Variants in ADARB2 observed in about 807,000 individuals in gnomAD.
The protein encoded by ADARB2 is adenosine deaminase RNA specific B2 (inactive), also known as inactive double-stranded RNA-specific editase B2.
ADARB2 carries 25 observed loss-of-function variants against 62.2 expected under a neutral mutation model. That is an observed-to-expected ratio of 0.40 (90% CI 0.29 to 0.56). The LOEUF (loss-of-function observed/expected upper bound fraction) is 0.56. Ranked by LOEUF, ADARB2 falls within the 20% of genes least tolerant of loss-of-function variation. The pLI, the probability that ADARB2 is intolerant of heterozygous loss-of-function variation, is 0.43. For missense variants in ADARB2, 1,071 were observed against 1,077.4 expected, an observed-to-expected ratio of 0.99 and a Z score of 0.08; for synonymous variants, 572 against 500.8, an observed-to-expected ratio of 1.14 and a Z score of -1.90.
intron 3 of ADARB2, among the ~76,000 whole-genome samples, chr10:1,316,946 C>T (rs371404094): frequency 1.4e-4 from 22 of 152,326 alleles, no homozygotes; most frequent in African/African-American, 5.3e-4. Flanking sequence ...GTATGCAAAA[C>T]GCAGCCTGGA....
chr10:1,217,702 G>A (rs1049159892), intron 6 of ADARB2, among the ~76,000 whole-genome samples: 4 of 152,300 alleles, frequency 2.6e-5, no homozygotes, highest in East Asian at 1.9e-4. Context: ...ACTGTGACCC[G>A]GTTACTTCCT....
At chr10:1,646,709 G>T (rs11250700) in intron 1 of ADARB2, among the ~76,000 whole-genome samples, 71,041 of 152,098 alleles carry the variant, frequency 0.47, 16,799 homozygotes, top group South Asian at 0.53. Flanking sequence ...TTTTGCTATA[G>T]CTCAGACAAC....
chr10:1,584,362 T>C (rs1833146920), intron 1 of ADARB2, among the ~76,000 whole-genome samples: 2 of 152,142 alleles, frequency 1.3e-5, no homozygotes, highest in African/African-American at 4.8e-5. Flanking sequence ...CATATGTCAC[T>C]AGAGAACGCA....
intron 1 of ADARB2, among the ~76,000 whole-genome samples, chr10:1,405,953 G>A (rs1037485301): frequency 3.3e-5 from 5 of 150,604 alleles, no homozygotes; most frequent in Non-Finnish European, 7.4e-5. Flanking sequence ...AGATACACCT[G>A]TTTATTAAAC....
At chr10:1,351,109 C>T (rs1455568341) in intron 3 of ADARB2, among the ~76,000 whole-genome samples, 2 of 152,204 alleles carry the variant, frequency 1.3e-5, no homozygotes, top group East Asian at 3.8e-4. Flanking sequence ...CAGGACCCCA[C>T]TGAAAATCAG....
intron 8 of ADARB2, among the ~76,000 whole-genome samples, chr10:1,198,513 A>G (rs1249030701): frequency 6.6e-6 from 1 of 152,222 alleles, no homozygotes; most frequent in Non-Finnish European, 1.5e-5. Flanking sequence ...CATGCAGGCA[A>G]GGTACCAAGA....
At chr10:1,733,891 G>A (rs566563025) in intron 1 of ADARB2, among the ~76,000 whole-genome samples, 89 of 152,240 alleles carry the variant, frequency 5.8e-4, no homozygotes, top group African/African-American at 2.1e-3. Flanking sequence ...TTTTCCGAAC[G>A]CCTCTGAGTG....
intron 1 of ADARB2, among the ~76,000 whole-genome samples, chr10:1,440,207 C>T (rs1830887756): frequency 1.3e-5 from 2 of 152,100 alleles, no homozygotes; most frequent in Admixed American, 6.5e-5. Context: ...AGGCCCTTCA[C>T]TATGGGTCTC....
intron 1 of ADARB2, among the ~76,000 whole-genome samples, chr10:1,664,054 T>G (rs1386835822): frequency 6.6e-6 from 1 of 152,260 alleles, no homozygotes; most frequent in Non-Finnish European, 1.5e-5. Context: ...CAGCTGTTTC[T>G]GTGCAGTTTC....
At chr10:1,231,753 A>G (rs1044794274) in intron 6 of ADARB2, among the ~76,000 whole-genome samples, 1 of 152,218 alleles carries the variant, frequency 6.6e-6, no homozygotes, top group Admixed American at 6.5e-5. Context: ...CAGCCATGCC[A>G]GAGGATCCAC....
At chr10:1,546,006 C>T (rs1832513574) in intron 1 of ADARB2, among the ~76,000 whole-genome samples, 1 of 130,852 alleles carries the variant, frequency 7.6e-6, no homozygotes, top group Non-Finnish European at 1.8e-5. Flanking sequence ...GACCCTTAGT[C>T]CTTTAAAAAA....
intron 1 of ADARB2, among the ~76,000 whole-genome samples, chr10:1,415,477 G>A (rs983750679): frequency 9.2e-5 from 14 of 151,846 alleles, no homozygotes; most frequent in African/African-American, 3.4e-4. Flanking sequence ...ATGAATGGAT[G>A]ATTGATACAT....
At chr10:1,658,592 A>G (rs1268176808) in intron 1 of ADARB2, among the ~76,000 whole-genome samples, 1 of 152,172 alleles carries the variant, frequency 6.6e-6, no homozygotes, top group African/African-American at 2.4e-5. Context: ...TGGCATCAGC[A>G]CAGGACCCAG....
chr10:1,693,164 T>C (rs1834694774), intron 1 of ADARB2, among the ~76,000 whole-genome samples: 1 of 152,218 alleles, frequency 6.6e-6, no homozygotes, highest in Non-Finnish European at 1.5e-5. Flanking sequence ...CTTTGTCTAC[T>C]GTTGAAGGCT....
At chr10:1,491,352 G>A (rs892787636) in intron 1 of ADARB2, among the ~76,000 whole-genome samples, 3 of 152,308 alleles carry the variant, frequency 2.0e-5, no homozygotes, top group East Asian at 3.9e-4. Flanking sequence ...TTACAGGCAT[G>A]AGCCACCGTG....
chr10:1,201,799 C>T (rs532971265), intron 7 of ADARB2, among the ~76,000 whole-genome samples: 1 of 144,354 alleles, frequency 6.9e-6, no homozygotes, highest in Admixed American at 7.1e-5. Flanking sequence ...CTTCATTCCA[C>T]AGCGTGTCTG....
chr10:1,734,625 A>G (rs749280719), intron 1 of ADARB2, among the ~76,000 whole-genome samples: 4 of 152,228 alleles, frequency 2.6e-5, no homozygotes, highest in Non-Finnish European at 5.9e-5. Context: ...TACGCATCTG[A>G]CAGGCAACAG....
intron 3 of ADARB2, among the ~76,000 whole-genome samples, chr10:1,328,866 TC>T (rs1207815252): frequency 6.6e-6 from 1 of 151,720 alleles, no homozygotes; most frequent in Non-Finnish European, 1.5e-5. Flanking sequence ...GTGGTGTGTG[TC>T]TGCAGTCCCA....
chr10:1,390,325 C>T (rs904961840), intron 1 of ADARB2, among the ~76,000 whole-genome samples: 101 of 152,190 alleles, frequency 6.6e-4, no homozygotes, highest in African/African-American at 2.3e-3. Context: ...GGGGAAGAGG[C>T]GGAAGTGGGC....
Sources: gnomAD v4.1 joint callset for allele counts (sites outside exome capture counted in the v4.1 genomes callset) on GRCh38, gnomAD v4.1.1 for gene constraint, MANE v1.5 for transcripts, NCBI Gene and HGNC (gene_info 2026-07-23, HGNC 2026-07-21) for gene names.